SNX29: variants seen among roughly 807,000 people sequenced by gnomAD.
SNX29 encodes sorting nexin-29.
Under a neutral mutation model 102.1 loss-of-function variants are expected in SNX29, and 78 were observed. The ratio of observed to expected loss-of-function variants is 0.76; its 90% CI spans 0.64 to 0.92. The LOEUF (loss-of-function observed/expected upper bound fraction) is 0.92. Among genes scored for constraint, SNX29 ranks in the 40% least tolerant of loss-of-function variants. SNX29 has a pLI of 0.00. For missense variants in SNX29, 1,280 were observed against 1,061.7 expected (o/e 1.21, Z -2.86); for synonymous variants, 580 against 414.5 (o/e 1.40, Z -4.85).
intron 19 of SNX29, among the ~76,000 whole-genome samples, chr16:12,479,984 C>CTT (rs1364359445): frequency 6.6e-6 from 1 of 152,150 alleles, no homozygotes; most frequent in African/African-American, 2.4e-5. Flanking sequence ...GGAACTGCAG[C>CTT]TTTAAGCAAA....
Position 12,115,323 on chromosome 16 carries a change from G to A in SNX29, c.1403-11310G>A, listed in dbSNP as rs545440331. Among the ~76,000 whole-genome samples, 4 of 152,246 alleles carry A rather than the reference G, an allele frequency of 2.6e-5. No homozygotes were observed. The South Asian group carries it at 8.3e-4, about 32-fold the overall frequency. ...GAAAGTGGGTTTCTCAGTCTCCCTA[G>A]GGTTTATAGACTCATGCAGCTTTGA... On this transcript the variant is annotated intron_variant, in intron 11 of 20. Transcript: ENST00000566228.
At chr16:11,998,170 C>T (rs2056158411) in intron 1 of SNX29, among the ~76,000 whole-genome samples, 1 of 152,224 alleles carries the variant, frequency 6.6e-6, no homozygotes, top group Non-Finnish European at 1.5e-5. Context: ...AAGACAGAAG[C>T]AGCCTGATGG....
At chr16:12,008,152 G>C (rs1048682082) in intron 3 of SNX29, among the ~76,000 whole-genome samples, 8 of 152,162 alleles carry the variant, frequency 5.3e-5, no homozygotes, top group African/African-American at 1.9e-4. Flanking sequence ...CACCGTGTTA[G>C]CCAGGATAGT....
chr16:12,361,127 C>A (rs963343972), intron 16 of SNX29, among the ~76,000 whole-genome samples: 1 of 152,212 alleles, frequency 6.6e-6, no homozygotes, highest in Non-Finnish European at 1.5e-5. Flanking sequence ...TGAGAAAGGA[C>A]AATGGGATGT....
intron 16 of SNX29, among the ~76,000 whole-genome samples, chr16:12,388,257 G>A (rs1395044118): frequency 6.6e-6 from 1 of 152,210 alleles, no homozygotes; most frequent in Non-Finnish European, 1.5e-5. Context: ...AATTATTGCT[G>A]TGTCTGTGGG....
intron 15 of SNX29, among the ~76,000 whole-genome samples, chr16:12,304,170 C>G (rs1314066354): frequency 6.6e-6 from 1 of 150,506 alleles, no homozygotes; most frequent in African/African-American, 2.5e-5. Flanking sequence ...TGAATCCTAT[C>G]ACTGTTTTTT....
At chr16:12,310,871 C>T (rs1204510429) in intron 15 of SNX29, among the ~76,000 whole-genome samples, 4 of 152,078 alleles carry the variant, frequency 2.6e-5, no homozygotes, top group Admixed American at 1.3e-4. Flanking sequence ...TGCCCTGCTG[C>T]AGGAAAAAAC....
chr16:12,108,679 T>C (rs1390143692), intron 11 of SNX29, among the ~76,000 whole-genome samples: 4 of 152,024 alleles, frequency 2.6e-5, no homozygotes, highest in African/African-American at 9.7e-5. Flanking sequence ...ATCAGGGAGG[T>C]TCAGTCCATT....
chr16:12,233,127 C>T (rs2077820356), intron 14 of SNX29, among the ~76,000 whole-genome samples: 1 of 152,126 alleles, frequency 6.6e-6, no homozygotes, highest in African/African-American at 2.4e-5. Context: ...CCTCCTCCTC[C>T]TCCCCCTATT....
intron 15 of SNX29, among the ~76,000 whole-genome samples, chr16:12,321,109 C>T (rs1011469939): frequency 2.6e-5 from 4 of 152,164 alleles, no homozygotes; most frequent in African/African-American, 9.7e-5. Flanking sequence ...CTCCAGGTCT[C>T]AGCTTCCCCA....
At chr16:12,189,797 C>G (rs1429864972) in intron 13 of SNX29, among the ~76,000 whole-genome samples, 2 of 151,854 alleles carry the variant, frequency 1.3e-5, no homozygotes, top group African/African-American at 2.4e-5. Context: ...GTCCGAGCAT[C>G]AAAACAGTGA....
rs182376117 is a variant in SNX29, at chr16:12,544,869, A to G, written c.2318+20028A>G. Among the ~76,000 whole-genome samples, 1,247 of 152,336 alleles carry G rather than the reference A, an allele frequency of 8.2e-3. 8 individuals are homozygous for G. The highest frequency in any genetic ancestry group is 0.013 in the Non-Finnish European group (915 of 68,034). Reference sequence around the variant, plus strand: ...ATGCCCACATGCAGCCAGTGTCAACACAGCCCCTGGCCTGTGGTCAGTGGG... The same window carrying G: ...ATGCCCACATGCAGCCAGTGTCAACGCAGCCCCTGGCCTGTGGTCAGTGGG... On this transcript the variant is annotated intron_variant, in intron 20 of 20. Coordinates refer to ENST00000566228, the MANE Select transcript of SNX29 (RefSeq NM_032167.5).
intron 18 of SNX29, among the ~76,000 whole-genome samples, chr16:12,467,282 C>A (rs1428792574): frequency 1.3e-5 from 2 of 152,196 alleles, no homozygotes; most frequent in Non-Finnish European, 2.9e-5. Context: ...CATCTGTGTT[C>A]TCTCTCCAGT....
At chr16:12,046,179 A>G (rs1288493960) in intron 5 of SNX29, among the ~76,000 whole-genome samples, 1 of 152,092 alleles carries the variant, frequency 6.6e-6, no homozygotes, top group Non-Finnish European at 1.5e-5. Context: ...CGGCAGGGGG[A>G]CCAGTGAGGA....
At chr16:12,158,909 G>C (rs2055667253) in intron 13 of SNX29, among the ~76,000 whole-genome samples, 1 of 152,194 alleles carries the variant, frequency 6.6e-6, no homozygotes, top group African/African-American at 2.4e-5. Context: ...TTGTTGACTT[G>C]ATCTCAACTC....
At chr16:12,451,289 G>C (rs1227027471) in intron 18 of SNX29, among the ~76,000 whole-genome samples, 1 of 152,148 alleles carries the variant, frequency 6.6e-6, no homozygotes, top group Admixed American at 6.5e-5. Flanking sequence ...TAGAAAATTA[G>C]CTTCTTCCCC....
In SNX29 at chr16:12,117,176, C is replaced by T. The variant is rs202228000; in HGVS notation, c.1403-9457C>T. Among the ~76,000 whole-genome samples the T allele has an allele frequency of 8.7e-3, 295 of 34,068 alleles. 1 individual carries two copies. The highest frequency in any genetic ancestry group is 0.029 in the Middle Eastern group (1 of 34). The allele number at this position is 34,068 out of a possible 152,430, so 22.3% of individuals were successfully genotyped here. On this transcript the variant is annotated intron_variant, in intron 11 of 20. Coordinates refer to ENST00000566228, the MANE Select transcript of SNX29 (RefSeq NM_032167.5). ...TGCGGACGAACCATGGAAACAGGCA[C>T]GGTCAATACGTGCTTCAACGCGGAT...
chr16:12,218,778 T>C (rs2077392829), intron 14 of SNX29, among the ~76,000 whole-genome samples: 1 of 152,098 alleles, frequency 6.6e-6, no homozygotes, highest in African/African-American at 2.4e-5. Context: ...ATTTATTATA[T>C]ATTATTTATT....
chr16:12,143,895 T>C (rs1297143178), intron 13 of SNX29, among the ~76,000 whole-genome samples: 1 of 152,180 alleles, frequency 6.6e-6, no homozygotes, highest in Non-Finnish European at 1.5e-5. Flanking sequence ...TCCAGACCAA[T>C]TAAATCAGAA....
Sources: gnomAD v4.1 joint callset for allele counts (sites outside exome capture counted in the v4.1 genomes callset) on GRCh38, gnomAD v4.1.1 for gene constraint, MANE v1.5 for transcripts, NCBI Gene and HGNC (gene_info 2026-07-23, HGNC 2026-07-21) for gene names.